GALNTL6: variants seen among roughly 807,000 people sequenced by gnomAD.
GALNTL6 encodes the protein polypeptide N-acetylgalactosaminyltransferase-like 6.
A neutral mutation model predicts 73.7 loss-of-function variants in GALNTL6; 46 were observed. That is an observed-to-expected ratio of 0.62 (90% CI 0.49 to 0.80). GALNTL6 has a LOEUF of 0.80. GALNTL6 is among the 30% of genes least tolerant of loss of function. The pLI, the probability that GALNTL6 is intolerant of heterozygous loss-of-function variation, is 0.00. For missense variants in GALNTL6, 604 were observed against 755.0 expected (o/e 0.80, Z 2.34); for synonymous variants, 259 against 263.7 (o/e 0.98, Z 0.17).
At chr4:172,168,288 T>C (rs1370579092) in intron 2 of GALNTL6, among the ~76,000 whole-genome samples, 1 of 152,218 alleles carries the variant, frequency 6.6e-6, no homozygotes, top group Non-Finnish European at 1.5e-5. Flanking sequence ...TGTTTTGTTT[T>C]GTTTTGTTTT....
At chr4:172,877,683 G>T (rs1017383376) in intron 7 of GALNTL6, among the ~76,000 whole-genome samples, 1 of 151,210 alleles carries the variant, frequency 6.6e-6, no homozygotes, top group Non-Finnish European at 1.5e-5. Context: ...ATAGAAAATT[G>T]ATTTCCATTA....
intron 8 of GALNTL6, among the ~76,000 whole-genome samples, chr4:172,918,707 A>G (rs974016264): frequency 3.3e-5 from 5 of 152,178 alleles, no homozygotes; most frequent in Admixed American, 1.3e-4. Flanking sequence ...TTGAGTACCT[A>G]TAATGTGCCT....
At chr4:173,025,500 G>A (rs1178073106) in intron 12 of GALNTL6, among the ~76,000 whole-genome samples, 1 of 152,124 alleles carries the variant, frequency 6.6e-6, no homozygotes, top group African/African-American at 2.4e-5. Flanking sequence ...CCCCTGCCTG[G>A]TTCAGTCTTC....
At chr4:172,591,340 T>C (rs1737627872) in intron 5 of GALNTL6, among the ~76,000 whole-genome samples, 1 of 152,172 alleles carries the variant, frequency 6.6e-6, no homozygotes, top group Non-Finnish European at 1.5e-5. Context: ...TTTCATACAA[T>C]CCGCCTTCAT....
chr4:171,979,624 A>T (rs1418657855), intron 2 of GALNTL6, among the ~76,000 whole-genome samples: 1 of 152,182 alleles, frequency 6.6e-6, no homozygotes, highest in Non-Finnish European at 1.5e-5. Context: ...AGAGTTTCCC[A>T]AACTGAAAGG....
At position 172,681,817 on chromosome 4, in the gene GALNTL6, T is replaced by C. The variant is rs75190716; in HGVS notation, c.554-127544T>C. Among the ~76,000 whole-genome samples, 306 of 152,298 alleles carry C rather than the reference T, an allele frequency of 2.0e-3. 1 individual carries two copies. Among genetic ancestry groups the C allele is most frequent in the Non-Finnish European group, 3.7e-3 (251 of 68,018 alleles). ...AGCCACAGCTGCCTCAGAGGAAGAA[T>C]AACTCCAGAGCACCAGACCTTCTGA... On this transcript the variant is annotated intron_variant, in intron 5 of 12. Coordinates refer to ENST00000506823, the MANE Select transcript of GALNTL6 (RefSeq NM_001034845.3).
At chr4:172,538,901 A>G (rs1735446891) in intron 5 of GALNTL6, among the ~76,000 whole-genome samples, 1 of 152,188 alleles carries the variant, frequency 6.6e-6, no homozygotes, top group South Asian at 2.1e-4. Context: ...GCAACACAAG[A>G]TGAAGTAGAA....
At position 172,560,023 on chromosome 4, in the gene GALNTL6, T is replaced by C. The variant is rs115537803; in HGVS notation, c.553+211334T>C. Among the ~76,000 whole-genome samples, 607 of 152,352 alleles carry C rather than the reference T, an allele frequency of 4.0e-3. 2 individuals are homozygous for C. Among genetic ancestry groups the C allele is most frequent in the African/African-American group, 0.014 (563 of 41,582 alleles). ...CAAATCTATGTGTTCCAATTCGTAA[T>C]TAATGTTCAACTTGCATCCTGATAT... On this transcript the variant is annotated intron_variant, in intron 5 of 12. Transcript: ENST00000506823.
chr4:172,401,657 T>C (rs954237493), intron 5 of GALNTL6, among the ~76,000 whole-genome samples: 2 of 152,112 alleles, frequency 1.3e-5, no homozygotes, highest in Non-Finnish European at 2.9e-5. Context: ...TATTTAAGTA[T>C]ACACATACTA....
intron 2 of GALNTL6, among the ~76,000 whole-genome samples, chr4:172,037,249 G>T (rs1043089707): frequency 2.6e-5 from 4 of 151,882 alleles, no homozygotes; most frequent in Non-Finnish European, 4.4e-5. Flanking sequence ...GGTTGTTTAG[G>T]ATAATTAAAA....
Position 172,346,657 on chromosome 4 carries a change from T to C in GALNTL6, c.387-1866T>C, listed in dbSNP as rs530382662. ...TCTTTCTGTATCTCTCATTATAATA[T>C]AAATGTCTTGAAGTTCAGAACTAGA... On this transcript the variant is annotated intron_variant, in intron 4 of 12. Transcript: ENST00000506823. 5.9e-5 allele frequency among the ~76,000 whole-genome samples: 9 copies of C among 152,350 alleles called. No individual in the cohort carries two copies. The East Asian group carries it at 1.7e-3, about 29-fold the overall frequency.
chr4:172,037,281 T>C (rs1328325995), intron 2 of GALNTL6, among the ~76,000 whole-genome samples: 1 of 152,146 alleles, frequency 6.6e-6, no homozygotes, highest in Admixed American at 6.6e-5. Flanking sequence ...CTGCTGAGAC[T>C]AGAACTCTGA....
In GALNTL6 at chr4:172,458,571, C is replaced by T. The variant is rs558506110; in HGVS notation, c.553+109882C>T. On this transcript the variant is annotated intron_variant, in intron 5 of 12. Coordinates refer to ENST00000506823, the MANE Select transcript of GALNTL6 (RefSeq NM_001034845.3). ...CTGATCCCACAGAAATACAAACTAC[C>T]ATCAGAGAATACTATGAACACCTCT... Among the ~76,000 whole-genome samples, 9 of 152,172 alleles carry T rather than the reference C, an allele frequency of 5.9e-5. No individual in the cohort carries two copies. In the South Asian group the frequency reaches 1.9e-3, roughly 32 times the overall value.
At chr4:172,392,287 C>A (rs963826742) in intron 5 of GALNTL6, among the ~76,000 whole-genome samples, 1 of 152,082 alleles carries the variant, frequency 6.6e-6, no homozygotes, top group African/African-American at 2.4e-5. Context: ...CCATACCTGG[C>A]CTAAATAGTT....
In GALNTL6 at chr4:172,430,972, T is replaced by G. The variant is rs537528166; in HGVS notation, c.553+82283T>G. Among the ~76,000 whole-genome samples the G allele has an allele frequency of 4.6e-5, 7 of 152,310 alleles. No individual in the cohort carries two copies. In the East Asian group the frequency reaches 9.6e-4, roughly 21 times the overall value. The stretch of plus-strand genomic sequence containing the variant: ...GTGTAATTAAATACCTTTAAGGAAA[T>G]GTGTGGAGAAGCATACAGGCATCAT... On this transcript the variant is annotated intron_variant, in intron 5 of 12. Coordinates refer to ENST00000506823, the MANE Select transcript of GALNTL6 (RefSeq NM_001034845.3).
intron 5 of GALNTL6, among the ~76,000 whole-genome samples, chr4:172,673,355 G>A (rs1258380143): frequency 2.0e-5 from 3 of 152,110 alleles, no homozygotes; most frequent in Non-Finnish European, 4.4e-5. Context: ...TATGATTTCG[G>A]TTCTTTTGCA....
At chr4:172,407,107 A>T (rs1279388722) in intron 5 of GALNTL6, among the ~76,000 whole-genome samples, 2 of 152,050 alleles carry the variant, frequency 1.3e-5, no homozygotes, top group East Asian at 3.8e-4. Flanking sequence ...ATCTTTCAGG[A>T]TCATCCAAAA....
At chr4:171,935,688 A>G (rs1377684710) in intron 2 of GALNTL6, among the ~76,000 whole-genome samples, 1 of 152,148 alleles carries the variant, frequency 6.6e-6, no homozygotes, top group Non-Finnish European at 1.5e-5. Flanking sequence ...CCAGGCTTCT[A>G]TATTTTTGAT....
At chr4:172,177,830 C>CACACATATATGTGTGTGTATATATACAG (rs1735091362) in intron 2 of GALNTL6, among the ~76,000 whole-genome samples, 1 of 74,224 alleles carries the variant, frequency 1.3e-5, no homozygotes. Flanking sequence ...TATATATACA[C>CACACATATATGTGTGTGTATATATACAG]ACACATATAT....
Sources: allele counts gnomAD v4.1 joint callset (sites outside exome capture counted in the v4.1 genomes callset), GRCh38; gene constraint gnomAD v4.1.1; transcripts MANE v1.5; gene names NCBI Gene and HGNC (gene_info 2026-07-23, HGNC 2026-07-21).